The following CAST variants were observed in gnomAD, a reference collection of about 807,000 sequenced individuals.
CAST encodes the protein calpastatin.
In CAST, 76 loss-of-function variants were observed where a neutral mutation model predicts 119.6. The ratio of observed to expected loss-of-function variants is 0.64; its 90% CI spans 0.53 to 0.77. CAST has a LOEUF of 0.77. Ranked by LOEUF, CAST falls within the 30% of genes least tolerant of loss-of-function variation. The pLI is 0.00. For synonymous variants in CAST, 319 were observed against 331.6 expected, an observed-to-expected ratio of 0.96 and a Z score of 0.41; for missense variants, 953 against 946.5, an observed-to-expected ratio of 1.01 and a Z score of -0.09.
At chr5:96,359,717 G>T in the CAST span, among the ~76,000 whole-genome samples, 1 of 152,128 alleles carries the variant, frequency 6.6e-6, no homozygotes, top group Admixed American at 6.5e-5. Flanking sequence ...TAGGCTGATG[G>T]GCTTCCCTTT....
At chr5:96,425,008 AAAAG>A in the CAST span, among the ~76,000 whole-genome samples, 11,934 of 117,180 alleles carry the variant, frequency 0.1, 592 homozygotes, top group Middle Eastern at 0.16. Context: ...AGAAAGAAAG[AAAAG>A]AAAGAAAGAA....
the CAST span, among the ~76,000 whole-genome samples, chr5:96,297,663 A>G: frequency 6.6e-6 from 1 of 152,220 alleles, no homozygotes; most frequent in Non-Finnish European, 1.5e-5. Flanking sequence ...TGCTAGTGAC[A>G]GAGGAGGCAA....
intron 1 of CAST, among the ~76,000 whole-genome samples, chr5:96,654,619 T>G (rs914798459): frequency 5.3e-5 from 8 of 152,206 alleles, no homozygotes; most frequent in African/African-American, 1.9e-4. Context: ...AGCATAAGCT[T>G]TTACTTGACT....
chr5:96,257,725 G>A, the CAST span, among the ~76,000 whole-genome samples: 33 of 152,310 alleles, frequency 2.2e-4, no homozygotes, highest in Non-Finnish European at 4.1e-4. Flanking sequence ...GCTGACCCCA[G>A]AACTAAGTGA....
intron 1 of CAST, among the ~76,000 whole-genome samples, chr5:96,563,724 G>T: frequency 6.6e-6 from 1 of 151,998 alleles, no homozygotes; most frequent in East Asian, 1.9e-4. Context: ...GTTCACTGCC[G>T]CACTTACTGA....
At position 96,742,649 on chromosome 5, in the gene CAST, T is replaced by A. The variant is rs752771591; in HGVS notation, c.1099-6T>A. Reference sequence around the variant, plus strand: ...TTTCATGCACAGGATTTTTTACTTTTAACAGGATACAATGAGTGATCAAGC... The same window carrying A: ...TTTCATGCACAGGATTTTTTACTTTAAACAGGATACAATGAGTGATCAAGC... On this transcript the variant is annotated splice_polypyrimidine_tract_variant and splice_region_variant and intron_variant, in intron 15 of 31. Transcript: ENST00000675179. 1.7e-5 allele frequency: 28 copies of A among 1,600,606 alleles called. No individual in the cohort carries two copies.
At chr5:96,533,073 C>T (rs1054780413) in intron 1 of CAST, among the ~76,000 whole-genome samples, 32 of 151,264 alleles carry the variant, frequency 2.1e-4, no homozygotes, top group Admixed American at 9.9e-4. Flanking sequence ...ATCTTCTTGC[C>T]GACAAAATAG....
chr5:96,150,895 G>A, the CAST span, among the ~76,000 whole-genome samples: 1 of 152,192 alleles, frequency 6.6e-6, no homozygotes, highest in African/African-American at 2.4e-5. Context: ...CCAGATTACA[G>A]TGACATCTGA....
intron 1 of CAST, among the ~76,000 whole-genome samples, chr5:96,591,818 G>A (rs1297974775): frequency 6.6e-6 from 1 of 152,184 alleles, no homozygotes; most frequent in African/African-American, 2.4e-5. Flanking sequence ...AAGCAGTACT[G>A]TTTATAAGGA....
intron 1 of CAST, among the ~76,000 whole-genome samples, chr5:96,654,339 A>C (rs1240104067): frequency 6.6e-6 from 1 of 151,630 alleles, no homozygotes; most frequent in Non-Finnish European, 1.5e-5. Flanking sequence ...TTCTTTTTTC[A>C]ATTCTTTTTC....
intron 16 of CAST, among the ~76,000 whole-genome samples, chr5:96,745,728 G>GT (rs1426835625): frequency 1.3e-5 from 2 of 152,232 alleles, no homozygotes; most frequent in Admixed American, 1.3e-4. Context: ...TCATGGTTCA[G>GT]TAAGCTAGAG....
At chr5:96,011,243 C>T in the CAST span, among the ~76,000 whole-genome samples, 9 of 152,004 alleles carry the variant, frequency 5.9e-5, no homozygotes, top group East Asian at 1.4e-3. Context: ...ATTAATACAA[C>T]GGAAAGAGGG....
At chr5:96,397,510 T>G in the CAST span, 3 of 1,534,630 alleles carry the variant, frequency 2.0e-6, no homozygotes, top group Non-Finnish European at 2.7e-6. Context: ...CTAATAGCTC[T>G]GATAGTAGGA....
chr5:96,766,101 A>G lies in CAST; in HGVS notation c.2086A>G (p.Thr696Ala), dbSNP rs1216711335. 4 of 1,612,040 alleles carry G rather than the reference A, an allele frequency of 2.5e-6. No homozygotes were observed. In the East Asian group the frequency reaches 8.9e-5, roughly 36 times the overall value. Residue 696 changes from threonine to alanine, a missense_variant, in exon 27 of 32, where the codon ACT (threonine) becomes GCT (alanine). Thr to Ala is a moderately conservative substitution (Grantham distance 58, BLOSUM62 0). Transcript: ENST00000675179. ...AGACAAGCTTGGAGAAAGAGATGAC[A>G]CTATCCCACCTGAATACAGACATCT... ...HRDKLGERDD[T>A]IPPEYRHLLD...
At chr5:96,240,185 G>A in the CAST span, among the ~76,000 whole-genome samples, 3 of 151,960 alleles carry the variant, frequency 2.0e-5, no homozygotes, top group Admixed American at 2.0e-4. Context: ...TTTTATTTGA[G>A]CAATAGATTA....
chr5:96,616,872 G>A (rs1349132077), intron 1 of CAST, among the ~76,000 whole-genome samples: 1 of 151,278 alleles, frequency 6.6e-6, no homozygotes, highest in Non-Finnish European at 1.5e-5. Flanking sequence ...AAAAATTTTT[G>A]GTAGTGGGTT....
intron 13 of CAST, chr5:96,740,993 A>G (rs1762547914): frequency 1.7e-6 from 1 of 595,976 alleles, no homozygotes; most frequent in Admixed American, 3.1e-5. Flanking sequence ...GAAAGGAGAA[A>G]GAAGGCGAGA....
intron 6 of CAST, 89 bp from the exon 7 acceptor site, chr5:96,729,064 T>C: frequency 1.2e-6 from 1 of 834,806 alleles, no homozygotes; most frequent in South Asian, 1.6e-5. Context: ...AGGCAGAATG[T>C]TTTAGTTGGA....
At chr5:96,441,203 T>C in the CAST span, among the ~76,000 whole-genome samples, 10 of 152,226 alleles carry the variant, frequency 6.6e-5, no homozygotes, top group Admixed American at 2.0e-4. Context: ...TGTCAAATTC[T>C]GGAGTAGGGA....
Sources: allele counts gnomAD v4.1 joint callset (sites outside exome capture counted in the v4.1 genomes callset), GRCh38; gene constraint gnomAD v4.1.1; transcripts MANE v1.5; gene names NCBI Gene and HGNC (gene_info 2026-07-23, HGNC 2026-07-21).